Variants in BRD4 observed in about 807,000 individuals in gnomAD.
BRD4 encodes the protein bromodomain-containing protein 4.
BRD4 carries 16 observed loss-of-function variants against 142.1 expected under a neutral mutation model. That is an observed-to-expected ratio of 0.11 (90% CI 0.08 to 0.17). BRD4 has a LOEUF of 0.17. Ranked by LOEUF, BRD4 falls within the 10% of genes least tolerant of loss-of-function variation. The pLI, the probability that BRD4 is intolerant of heterozygous loss-of-function variation, is 1.00. For synonymous variants in BRD4, 833 were observed against 707.5 expected (o/e 1.18, Z -2.82); for missense variants, 1,424 against 1,810.9 (o/e 0.79, Z 3.88).
rs950818633 is a variant in BRD4 at position 15,332,346 on chromosome 19, C to T, written c.-91G>A. The stretch of plus-strand genomic sequence containing the variant: ...GGCCGTCCGCCCGCTGCCGCCGCCC[C>T]CTCCCCGAGCTGCCTGCGCGGCGCC... On this transcript the variant is annotated 5_prime_UTR_variant, in exon 1 of 20. Transcript: ENST00000679869. 2.0e-5 allele frequency: 3 copies of T among 146,588 alleles called. No homozygotes were observed. Among genetic ancestry groups the T allele is most frequent in the Non-Finnish European group, 4.6e-5 (3 of 65,604 alleles). 9.1% of individuals were successfully genotyped at this position (146,588 alleles called of 1,614,324 possible).
chr19:15,301,677 C>T (rs1336226539), intron 1 of BRD4, among the ~76,000 whole-genome samples: 1 of 151,228 alleles, frequency 6.6e-6, no homozygotes, highest in Non-Finnish European at 1.5e-5. Context: ...CTGGCTAACA[C>T]AGTGAAACCT....
intron 1 of BRD4, among the ~76,000 whole-genome samples, chr19:15,305,015 A>C (rs1236441054): frequency 6.6e-6 from 1 of 150,700 alleles, no homozygotes; most frequent in Non-Finnish European, 1.5e-5. Context: ...CATTAAAATT[A>C]AGACCATCTT....
chr19:15,273,364 G>C (rs972583336), intron 1 of BRD4, among the ~76,000 whole-genome samples: 3 of 152,216 alleles, frequency 2.0e-5, no homozygotes, highest in African/African-American at 4.8e-5. Flanking sequence ...AGGAGGCAGA[G>C]TGAGGTGGTG....
At chr19:15,326,236 G>A (rs2048107480) in intron 1 of BRD4, among the ~76,000 whole-genome samples, 1 of 150,898 alleles carries the variant, frequency 6.6e-6, no homozygotes, top group Admixed American at 6.6e-5. Flanking sequence ...GCCGAGGTAG[G>A]CAGATCACTT....
intron 1 of BRD4, among the ~76,000 whole-genome samples, chr19:15,290,827 G>C (rs994793406): frequency 6.6e-6 from 1 of 152,016 alleles, no homozygotes; most frequent in Non-Finnish European, 1.5e-5. Context: ...CTCATGAGTT[G>C]GTTTTGCTAT....
At chr19:15,268,638 C>T (rs1382009557) in intron 3 of BRD4, among the ~76,000 whole-genome samples, 1 of 152,146 alleles carries the variant, frequency 6.6e-6, no homozygotes, top group East Asian at 1.9e-4. Flanking sequence ...ACCAAAATCC[C>T]AAGGGCACCA....
chr19:15,242,982 G>T lies in BRD4; in HGVS notation c.3087C>A (p.Pro1029=). 6.3e-7 allele frequency: 1 copy of T among 1,586,444 alleles called. No individual in the cohort carries two copies. Among genetic ancestry groups the T allele is most frequent in the African/African-American group, 1.4e-5 (1 of 73,578 alleles). Residue 1029 remains proline, a synonymous_variant, in exon 14 of 20, where the codon CCC becomes CCA. Coordinates refer to ENST00000679869, the MANE Select transcript of BRD4 (RefSeq NM_001379291.1). The part of the protein sequence containing the change: ...PPHPPPGQQP[P]PPQPAKPQQV... ...GCTGAGGCTTGGCAGGCTGCGGCGG[G>T]GGTGGCTGCTGGCCTGGGGGCGGAT...
intron 1 of BRD4, among the ~76,000 whole-genome samples, chr19:15,297,496 C>CG (rs749227367): frequency 6.2e-4 from 94 of 152,286 alleles, no homozygotes; most frequent in Non-Finnish European, 1.1e-3. Context: ...TGGGGTACTG[C>CG]GGTTGCTTTT....
chr19:15,256,302 AACC>A (rs1350134792), intron 8 of BRD4, 39 bp from the exon 9 acceptor site: 1 of 1,589,718 alleles, frequency 6.3e-7, no homozygotes, highest in Non-Finnish European at 8.5e-7. Flanking sequence ...TCAGGGCTGA[AACC>A]ACCTTCCTGT....
chr19:15,244,631 G>C, intron 12 of BRD4, 31 bp from the exon 13 acceptor site: 1 of 1,613,858 alleles, frequency 6.2e-7, no homozygotes, highest in Non-Finnish European at 8.5e-7. Context: ...AGACAGACAG[G>C]CTGATGTCAG....
intron 1 of BRD4, among the ~76,000 whole-genome samples, chr19:15,320,928 T>C (rs369259235): frequency 2.0e-5 from 3 of 152,368 alleles, no homozygotes; most frequent in African/African-American, 7.2e-5. Flanking sequence ...CGGGGGTACA[T>C]TTTACTTTTA....
chr19:15,276,127 A>C (rs2047644093), intron 1 of BRD4, among the ~76,000 whole-genome samples: 1 of 152,182 alleles, frequency 6.6e-6, no homozygotes, highest in African/African-American at 2.4e-5. Context: ...ACACTGACCT[A>C]CTGCTATGCC....
rs1337776375 is a variant in BRD4 at position 15,237,079 on chromosome 19, G to GT, written c.*1297dup. 3 of 211,180 alleles carry GT rather than the reference G, an allele frequency of 1.4e-5. No individual in the cohort carries two copies. The highest frequency in any genetic ancestry group is 5.9e-5 in the Admixed American group (1 of 16,892). The allele number at this position is 211,180 out of a possible 1,614,324, so 13.1% of individuals were successfully genotyped here. A position where few individuals can be genotyped will look rare whatever the true frequency, so the allele number is the denominator to read the frequency against. ...CCAGCTGGTTGGGGCTGGGCGCCAG[G>GT]TAGGGGAGTCTCTGCCTTAGTCTGT... On this transcript the variant is annotated 3_prime_UTR_variant, in exon 20 of 20. Transcript: ENST00000679869.
rs368124974 is a variant in BRD4, at chr19:15,253,715, G to A, written c.2158+437C>T. The A allele has an allele frequency of 2.8e-4, 445 of 1,598,418 alleles. 5 individuals carry two copies. The South Asian group carries it at 2.8e-3, about 10-fold the overall frequency. ...AACCAGCGAAGCATCTCCCTGAAGC[G>A]GCCGCACTGCACGTGACTGTGATAC... On this transcript the variant is annotated intron_variant, in intron 11 of 19. Coordinates refer to ENST00000679869, the MANE Select transcript of BRD4 (RefSeq NM_001379291.1).
In BRD4 at chr19:15,274,969, C is replaced by T. The variant is rs576838827; in HGVS notation, c.-34-1836G>A. On this transcript the variant is annotated intron_variant, in intron 1 of 19. Transcript: ENST00000679869. ...TGCCTTCCAGGGTCAAGTGATTCTC[C>T]CACCTCAGCCTCCCCAGTAGCTAGG... Among the ~76,000 whole-genome samples, 15 of 152,174 alleles carry T rather than the reference C, an allele frequency of 9.9e-5. No homozygotes were observed. The South Asian group carries it at 2.7e-3, about 27-fold the overall frequency.
At chr19:15,325,605 C>T (rs1329001146) in intron 1 of BRD4, among the ~76,000 whole-genome samples, 1 of 152,174 alleles carries the variant, frequency 6.6e-6, no homozygotes, top group Non-Finnish European at 1.5e-5. Context: ...AAACAAGACC[C>T]TGTCAAGCTC....
intron 2 of BRD4, among the ~76,000 whole-genome samples, chr19:15,269,920 G>A (rs879402802): frequency 1.1e-4 from 17 of 152,194 alleles, no homozygotes; most frequent in African/African-American, 3.6e-4. Context: ...AGGAATGTGC[G>A]GACAGATCAA....
Position 15,238,884 on chromosome 19 carries a change from T to TTGCTCCTGGCGATGCTGCTGC in BRD4, c.3878_3879insGCAGCAGCATCGCCAGGAGCA (p.Gln1295_Gln1296insHisArgGlnGluGlnGlnGln). The stretch of plus-strand genomic sequence containing the variant: ...CTGCTTGCTGTTGCTGCTGCTGCTG[T>TTGCTCCTGGCGATGCTGCTGC]TGCTCCTGGCGCTGCTGCTGCTGCT... On this transcript the variant is annotated inframe_insertion, in exon 19 of 20. Transcript: ENST00000679869. This position sits in a 1 kb window ranked among gnomAD's most constrained non-coding sequence, Gnocchi z 7.2. 1 of 1,598,014 alleles carries TTGCTCCTGGCGATGCTGCTGC rather than the reference T, an allele frequency of 6.3e-7. No homozygotes were observed. The highest frequency in any genetic ancestry group is 8.5e-7 in the Non-Finnish European group (1 of 1,173,182).
At chr19:15,317,619 G>GGGT (rs551558159) in intron 1 of BRD4, among the ~76,000 whole-genome samples, 51 of 151,946 alleles carry the variant, frequency 3.4e-4, no homozygotes, top group South Asian at 1.5e-3. Flanking sequence ...GGTGGGCAAG[G>GGGT]GGTGGTGGTG....
Sources: allele counts gnomAD v4.1 joint callset (sites outside exome capture counted in the v4.1 genomes callset), GRCh38; gene constraint gnomAD v4.1.1; non-coding constraint Gnocchi (gnomAD v3.1); transcripts MANE v1.5; gene names NCBI Gene and HGNC (gene_info 2026-07-23, HGNC 2026-07-21).